Variants in TSPAN9 observed in about 807,000 individuals in gnomAD.
TSPAN9 encodes the protein tetraspanin-9.
TSPAN9 carries 16 observed loss-of-function variants against 31.0 expected under a neutral mutation model. That is an observed-to-expected ratio of 0.52 (90% CI 0.35 to 0.78). The LOEUF is 0.78. Ranked by LOEUF, TSPAN9 falls within the 30% of genes least tolerant of loss-of-function variation. The pLI is 0.01. For missense variants in TSPAN9, 272 were observed against 312.5 expected (o/e 0.87, Z 0.98); for synonymous variants, 145 against 121.6 (o/e 1.19, Z -1.27).
chr12:3,103,661 G>A (rs114307091), intron 2 of TSPAN9, among the ~76,000 whole-genome samples: 5,870 of 152,252 alleles, frequency 0.039, 392 homozygotes, highest in African/African-American at 0.13. Flanking sequence ...TGTGACTTTG[G>A]GAAGTGGCTG....
At chr12:3,226,765 TA>T (rs59513756) in intron 3 of TSPAN9, among the ~76,000 whole-genome samples, 54 of 3,440 alleles carry the variant, frequency 0.016, 8 homozygotes, top group African/African-American at 0.035. Flanking sequence ...TATATATATA[TA>T]TATATATATA....
intron 3 of TSPAN9, among the ~76,000 whole-genome samples, chr12:3,246,827 C>T (rs1002072598): frequency 1.3e-5 from 2 of 152,226 alleles, no homozygotes; most frequent in African/African-American, 4.8e-5. Context: ...AGGAACTGCC[C>T]TAGGACCAGG....
chr12:3,130,467 C>T (rs904518647), intron 2 of TSPAN9, among the ~76,000 whole-genome samples: 1 of 152,168 alleles, frequency 6.6e-6, no homozygotes, highest in African/African-American at 2.4e-5. Flanking sequence ...AAAGGCATCT[C>T]CAGGTGTGAC....
intron 2 of TSPAN9, among the ~76,000 whole-genome samples, chr12:3,182,529 T>A (rs187515693): frequency 6.6e-6 from 1 of 152,104 alleles, no homozygotes; most frequent in East Asian, 1.9e-4. Context: ...TTCATTCGTC[T>A]GCCCATTCAT....
chr12:3,254,353 C>G (rs1404716992), intron 3 of TSPAN9, among the ~76,000 whole-genome samples: 1 of 152,206 alleles, frequency 6.6e-6, no homozygotes, highest in Non-Finnish European at 1.5e-5. Context: ...CTGAGGGAGT[C>G]TCTTCATTCT....
At chr12:3,221,069 G>A (rs962745328) in intron 3 of TSPAN9, among the ~76,000 whole-genome samples, 4 of 152,146 alleles carry the variant, frequency 2.6e-5, no homozygotes, top group Admixed American at 2.6e-4. Flanking sequence ...GAGGAGGGGA[G>A]AGAAGCCACA....
At chr12:3,132,098 C>G (rs559282466) in intron 2 of TSPAN9, among the ~76,000 whole-genome samples, 63 of 152,316 alleles carry the variant, frequency 4.1e-4, no homozygotes, top group African/African-American at 1.4e-3. Context: ...TGCATCAGTA[C>G]TTCATTCTTT....
chr12:3,135,076 T>TG (rs1275858592), intron 2 of TSPAN9, among the ~76,000 whole-genome samples: 1 of 152,022 alleles, frequency 6.6e-6, no homozygotes, highest in Admixed American at 6.5e-5. Flanking sequence ...GCTTTAGAGT[T>TG]GGGGCAACAC....
intron 3 of TSPAN9, among the ~76,000 whole-genome samples, chr12:3,262,189 C>T (rs989144764): frequency 3.3e-5 from 5 of 152,196 alleles, no homozygotes; most frequent in African/African-American, 1.2e-4. Flanking sequence ...TTGTGGGTGT[C>T]TGTTTTGTGG....
intron 3 of TSPAN9, among the ~76,000 whole-genome samples, chr12:3,243,194 C>T (rs2098397501): frequency 6.6e-6 from 1 of 152,168 alleles, no homozygotes; most frequent in Non-Finnish European, 1.5e-5. Context: ...CTTCCCTGTA[C>T]CCGAGTTACT....
chr12:3,226,172 G>C (rs1004260355), intron 3 of TSPAN9, among the ~76,000 whole-genome samples: 1 of 152,090 alleles, frequency 6.6e-6, no homozygotes, highest in African/African-American at 2.4e-5. Flanking sequence ...GATGGGGTGA[G>C]GGGAGGACGG....
intron 2 of TSPAN9, among the ~76,000 whole-genome samples, chr12:3,189,158 G>A (rs1810663302): frequency 6.6e-6 from 1 of 152,230 alleles, no homozygotes; most frequent in African/African-American, 2.4e-5. Context: ...GATCTTTCTT[G>A]GAGGATGTGG....
intron 2 of TSPAN9, among the ~76,000 whole-genome samples, chr12:3,145,667 A>G (rs1452010623): frequency 6.6e-6 from 1 of 152,228 alleles, no homozygotes; most frequent in East Asian, 1.9e-4. Context: ...CCTCTCTGCC[A>G]GGATCATCCT....
intron 2 of TSPAN9, among the ~76,000 whole-genome samples, chr12:3,195,731 G>A (rs75479390): frequency 0.015 from 2,218 of 152,312 alleles, 62 homozygotes; most frequent in African/African-American, 0.05. Flanking sequence ...CACTGCTTGG[G>A]ACCCTGCAGG....
intron 8 of TSPAN9, 22 bp downstream of exon 8, chr12:3,281,839 G>A: frequency 6.2e-7 from 1 of 1,613,066 alleles, no homozygotes; most frequent in African/African-American, 1.3e-5. Flanking sequence ...GTCCCCAGCA[G>A]CCTCACCCAC....
intron 3 of TSPAN9, among the ~76,000 whole-genome samples, chr12:3,271,204 G>C (rs761333863): frequency 2.0e-5 from 3 of 152,230 alleles, no homozygotes; most frequent in Non-Finnish European, 4.4e-5. Context: ...GTGAATTGGA[G>C]GCTTTGAGAG....
intron 3 of TSPAN9, among the ~76,000 whole-genome samples, chr12:3,271,958 A>C (rs1228856593): frequency 2.0e-5 from 3 of 152,218 alleles, no homozygotes; most frequent in Admixed American, 2.0e-4. Context: ...CAGGCTGTGA[A>C]ATTAAAGCTG....
At chr12:3,127,548 G>A (rs893860204) in intron 2 of TSPAN9, among the ~76,000 whole-genome samples, 1 of 151,874 alleles carries the variant, frequency 6.6e-6, no homozygotes, top group South Asian at 2.1e-4. Flanking sequence ...GTAGAGATGG[G>A]GTTTCACCGT....
intron 3 of TSPAN9, among the ~76,000 whole-genome samples, chr12:3,243,806 G>A (rs562386217): frequency 3.9e-5 from 6 of 152,194 alleles, no homozygotes; most frequent in Admixed American, 2.0e-4. Flanking sequence ...GAGAGCCCAG[G>A]CCAGCTGCTC....
Sources: allele counts gnomAD v4.1 joint callset (sites outside exome capture counted in the v4.1 genomes callset), GRCh38; gene constraint gnomAD v4.1.1; transcripts MANE v1.5; gene names NCBI Gene and HGNC (gene_info 2026-07-23, HGNC 2026-07-21).